The following TENM2 variants were observed in gnomAD, a reference collection of about 807,000 sequenced individuals.
The protein encoded by TENM2 is teneurin transmembrane protein 2, also known as teneurin-2.
In TENM2, 52 loss-of-function variants were observed where a neutral mutation model predicts 245.2. The ratio of observed to expected loss-of-function variants is 0.21; its 90% CI spans 0.17 to 0.27. The LOEUF (loss-of-function observed/expected upper bound fraction) is 0.27, where lower values mean the gene tolerates loss of function less well. Among genes scored for constraint, TENM2 ranks in the 10% least tolerant of loss-of-function variants. TENM2 has a pLI of 1.00. For synonymous variants in TENM2, 1,363 were observed against 1,438.9 expected, an observed-to-expected ratio of 0.95 and a Z score of 1.19; for missense variants, 3,046 against 3,666.8, an observed-to-expected ratio of 0.83 and a Z score of 4.37.
chr5:167,576,435 G>A (rs1279045109), intron 2 of TENM2, among the ~76,000 whole-genome samples: 2 of 151,336 alleles, frequency 1.3e-5, no homozygotes, highest in Admixed American at 1.3e-4. Context: ...TGCATAATTT[G>A]CTAATTAATG....
the TENM2 span, among the ~76,000 whole-genome samples, chr5:167,072,360 T>G: frequency 1.4e-4 from 21 of 152,206 alleles, no homozygotes; most frequent in Admixed American, 1.4e-3. Flanking sequence ...GTGAGTCACT[T>G]AATGATGTCT....
the TENM2 span, among the ~76,000 whole-genome samples, chr5:167,074,736 G>A: frequency 3.3e-5 from 5 of 152,156 alleles, no homozygotes; most frequent in South Asian, 2.1e-4. Context: ...TCATGGGTGC[G>A]CGGCCTGAAC....
At chr5:167,108,591 G>A in the TENM2 span, among the ~76,000 whole-genome samples, 2 of 152,218 alleles carry the variant, frequency 1.3e-5, no homozygotes, top group Non-Finnish European at 2.9e-5. Flanking sequence ...AGTTTCGTCA[G>A]TAATTTGCCC....
At chr5:167,109,843 G>A in the TENM2 span, among the ~76,000 whole-genome samples, 1 of 152,190 alleles carries the variant, frequency 6.6e-6, no homozygotes, top group African/African-American at 2.4e-5. Flanking sequence ...CCTATCTCAA[G>A]TGTGGTCCTT....
chr5:167,233,580 A>G, the TENM2 span, among the ~76,000 whole-genome samples: 198 of 152,316 alleles, frequency 1.3e-3, no homozygotes, highest in African/African-American at 3.9e-3. Flanking sequence ...CTTTATTACA[A>G]TTAGGGAGAG....
the TENM2 span, among the ~76,000 whole-genome samples, chr5:167,142,411 T>C: frequency 3.9e-5 from 6 of 152,166 alleles, no homozygotes; most frequent in East Asian, 7.7e-4. Context: ...GTTGTTCTAC[T>C]TTATTCTACA....
chr5:167,370,773 A>C (rs1561901619), intron 1 of TENM2, among the ~76,000 whole-genome samples: 2 of 152,194 alleles, frequency 1.3e-5, no homozygotes, highest in African/African-American at 4.8e-5. Flanking sequence ...ATGAATACTG[A>C]TATATTGTGC....
intron 2 of TENM2, among the ~76,000 whole-genome samples, chr5:167,559,616 T>A (rs1272908473): frequency 6.6e-6 from 1 of 152,166 alleles, no homozygotes; most frequent in African/African-American, 2.4e-5. Flanking sequence ...CTGTAGTTTT[T>A]TTCCTTGTTA....
intron 25 of TENM2, among the ~76,000 whole-genome samples, chr5:168,238,174 AGAGAGAGAGAGG>A (rs1157077416): frequency 3.9e-5 from 3 of 77,754 alleles, no homozygotes; most frequent in African/African-American, 2.7e-4. Flanking sequence ...AGAGAGAGAG[AGAGAGAGAGAGG>A]GAGGGAGGGA....
intron 2 of TENM2, among the ~76,000 whole-genome samples, chr5:167,605,987 A>G (rs943087295): frequency 3.9e-5 from 6 of 152,144 alleles, no homozygotes; most frequent in African/African-American, 1.4e-4. Flanking sequence ...CTCTTGGAAA[A>G]CCACTAATTC....
chr5:167,831,983 GAA>G (rs10600507), intron 2 of TENM2, among the ~76,000 whole-genome samples: 1,448 of 134,982 alleles, frequency 0.011, 25 homozygotes, highest in South Asian at 0.035. Context: ...GAGAATGGAC[GAA>G]AAAAAAAAAA....
intron 2 of TENM2, among the ~76,000 whole-genome samples, chr5:167,466,894 C>G (rs1441354434): frequency 6.6e-6 from 1 of 152,136 alleles, no homozygotes; most frequent in African/African-American, 2.4e-5. Context: ...CAGTGATTCA[C>G]CTGAAGTAGT....
chr5:167,783,173 GTT>G (rs34061894), intron 2 of TENM2, among the ~76,000 whole-genome samples: 3 of 144,022 alleles, frequency 2.1e-5, no homozygotes, highest in African/African-American at 7.7e-5. Context: ...CTAGAAACAG[GTT>G]TTTTTTTTTT....
intron 2 of TENM2, among the ~76,000 whole-genome samples, chr5:167,406,828 T>C (rs1762661515): frequency 6.6e-6 from 1 of 152,172 alleles, no homozygotes; most frequent in Non-Finnish European, 1.5e-5. Flanking sequence ...CTTTAGATTT[T>C]TATTTTAGCT....
the TENM2 span, among the ~76,000 whole-genome samples, chr5:167,256,720 A>G: frequency 6.6e-6 from 1 of 152,170 alleles, no homozygotes; most frequent in Non-Finnish European, 1.5e-5. Flanking sequence ...TAAGTAGGGA[A>G]GCCAGAAAGA....
intron 2 of TENM2, among the ~76,000 whole-genome samples, chr5:167,779,717 A>G (rs1408623559): frequency 2.0e-5 from 3 of 152,202 alleles, no homozygotes; most frequent in Admixed American, 6.5e-5. Context: ...GAATCAAGTA[A>G]CATACCAGAA....
chr5:167,729,337 G>A (rs1760255313), intron 2 of TENM2, among the ~76,000 whole-genome samples: 1 of 152,142 alleles, frequency 6.6e-6, no homozygotes, highest in Non-Finnish European at 1.5e-5. Flanking sequence ...TTTAGTTTTT[G>A]CAAGTGAATA....
intron 2 of TENM2, among the ~76,000 whole-genome samples, chr5:167,544,193 G>C (rs1301675412): frequency 6.6e-6 from 1 of 152,120 alleles, no homozygotes; most frequent in African/African-American, 2.4e-5. Flanking sequence ...GGTTGTGTAT[G>C]GTTGACCCTC....
At chr5:167,874,282 G>A (rs72835629) in intron 2 of TENM2, among the ~76,000 whole-genome samples, 3,121 of 152,290 alleles carry the variant, frequency 0.02, 45 homozygotes, top group Non-Finnish European at 0.031. Flanking sequence ...CAGGGGTGGT[G>A]TCTTACTTAT....
Sources: gnomAD v4.1 joint callset for allele counts (sites outside exome capture counted in the v4.1 genomes callset) on GRCh38, gnomAD v4.1.1 for gene constraint, MANE v1.5 for transcripts, NCBI Gene and HGNC (gene_info 2026-07-23, HGNC 2026-07-21) for gene names.